The following PRUNE2 variants were observed in gnomAD, a reference collection of about 807,000 sequenced individuals.
PRUNE2 encodes protein prune homolog 2.
Under a neutral mutation model 252.0 loss-of-function variants are expected in PRUNE2, and 164 were observed. That is an observed-to-expected ratio of 0.65 (90% CI 0.57 to 0.74). The LOEUF is 0.74. PRUNE2 is among the 30% of genes least tolerant of loss of function. The pLI, the probability that PRUNE2 is intolerant of heterozygous loss-of-function variation, is 0.00. For synonymous variants in PRUNE2, 1,292 were observed against 1,350.2 expected (o/e 0.96, Z 0.94); for missense variants, 3,495 against 3,711.0 (o/e 0.94, Z 1.51).
chr9:76,736,699 A>C (rs1203742579), intron 6 of PRUNE2: 3 of 152,214 alleles, frequency 2.0e-5, no homozygotes, highest in Admixed American at 2.0e-4. Flanking sequence ...TCACCTCCCA[A>C]AGGCTCCACT....
intron 10 of PRUNE2, among the ~76,000 whole-genome samples, chr9:76,654,378 T>C (rs1474538093): frequency 6.6e-6 from 1 of 152,216 alleles, no homozygotes; most frequent in Non-Finnish European, 1.5e-5. Context: ...AACTCTGTTC[T>C]AGGTAATGGT....
At chr9:76,829,585 T>G (rs2058551008) in intron 4 of PRUNE2, among the ~76,000 whole-genome samples, 2 of 152,054 alleles carry the variant, frequency 1.3e-5, no homozygotes, top group African/African-American at 4.8e-5. Context: ...ATTGACAGAG[T>G]TGAGTAGTTT....
Position 76,614,257 on chromosome 9 carries a change from C to T in PRUNE2, c.*313G>A, listed in dbSNP as rs1482631883. On this transcript the variant is annotated 3_prime_UTR_variant, in exon 19 of 19. Transcript: ENST00000376718. ...TTAACAGTGGATTAAAGGTATCTTA[C>T]TGGTAAACACCAGTCTAAGGGACAA... 2.7e-6 allele frequency: 1 copy of T among 376,360 alleles called. No homozygotes were observed. Among genetic ancestry groups the T allele is most frequent in the Non-Finnish European group, 4.8e-6 (1 of 210,248 alleles). The allele number at this position is 376,360 out of a possible 1,614,324, so 23.3% of individuals were successfully genotyped here. A position where few individuals can be genotyped will look rare whatever the true frequency, so the allele number is the denominator to read the frequency against.
intron 5 of PRUNE2, 46 bp from the exon 6 acceptor site, chr9:76,823,772 T>G (rs776144531): frequency 1.7e-6 from 2 of 1,176,706 alleles, no homozygotes; most frequent in South Asian, 2.6e-5. Flanking sequence ...CTTGAGGGAT[T>G]TTTTTTTTGT....
Position 76,655,500 on chromosome 9 carries a change from A to C in PRUNE2, c.8279T>G (p.Leu2760Arg). Reference sequence around the variant, plus strand: ...GTCCATTCCTACATCCTCTGACAGTAGTCTGCAAAAAAAGCAAAGCAAAGC... The same window carrying C: ...GTCCATTCCTACATCCTCTGACAGTCGTCTGCAAAAAAAGCAAAGCAAAGC... The part of the protein sequence containing the change: ...LGTRISRPNG[L>R]LSEDVGMDIP... Residue 2760 changes from leucine (L) to arginine (R), a missense_variant and splice_region_variant, in exon 10 of 19, where the codon CTA (leucine) becomes CGA (arginine). Leu to Arg is a moderately radical substitution (Grantham distance 102, BLOSUM62 -2). Coordinates refer to ENST00000376718, the MANE Select transcript of PRUNE2 (RefSeq NM_015225.3). 4 of 1,611,976 alleles carry C rather than the reference A, an allele frequency of 2.5e-6. No individual in the cohort carries two copies. Among genetic ancestry groups the C allele is most frequent in the Non-Finnish European group, 3.4e-6 (4 of 1,178,892 alleles).
At position 76,709,400 on chromosome 9, in the gene PRUNE2, C is replaced by T. The variant is rs117145067; in HGVS notation, c.2874G>A (p.Ser958=). Residue 958 remains serine, a synonymous_variant, in exon 8 of 19, where the codon TCG becomes TCA. Transcript: ENST00000376718. ...DYSASNLGED[S]VPSPLDTNYS... ...AATTGGTATCTAAGGGGGAAGGCAC[C>T]GAATCTTCTCCTAGGTTGGATGCAC... 9.3e-6 allele frequency: 15 copies of T among 1,613,968 alleles called. No individual in the cohort carries two copies. In the East Asian group the frequency reaches 2.7e-4, roughly 29 times the overall value.
chr9:76,628,205 A>C (rs1409890320), intron 16 of PRUNE2, among the ~76,000 whole-genome samples: 1 of 151,900 alleles, frequency 6.6e-6, no homozygotes, highest in African/African-American at 2.4e-5. Flanking sequence ...TACCAGATAC[A>C]ACTGTTCATT....
chr9:76,788,402 C>T (rs2055227716), intron 6 of PRUNE2: 1 of 761,060 alleles, frequency 1.3e-6, no homozygotes, highest in Non-Finnish European at 2.5e-6. Context: ...CACTACTTTC[C>T]TCTTTGTAAA....
At chr9:76,718,194 G>A (rs112279488) in intron 6 of PRUNE2, among the ~76,000 whole-genome samples, 51 of 152,258 alleles carry the variant, frequency 3.3e-4, no homozygotes, top group African/African-American at 1.2e-3. Flanking sequence ...CCTATTTTAC[G>A]TTTTTCATTG....
intron 6 of PRUNE2, among the ~76,000 whole-genome samples, chr9:76,729,757 T>G (rs2048406117): frequency 6.6e-6 from 1 of 152,078 alleles, no homozygotes; most frequent in Non-Finnish European, 1.5e-5. Flanking sequence ...TTTTAAAGTA[T>G]TTTTTTCTTT....
chr9:76,808,695 G>A lies in PRUNE2; in HGVS notation c.756+14937C>T, dbSNP rs117299725. The A allele has an allele frequency of 3.4e-3, 524 of 152,376 alleles. 17 individuals carry two copies. The East Asian group carries it at 0.076, about 22-fold the overall frequency. The allele number at this position is 152,376 out of a possible 1,614,324, so 9.4% of individuals were successfully genotyped here. On this transcript the variant is annotated intron_variant, in intron 6 of 18. Coordinates refer to ENST00000376718, the MANE Select transcript of PRUNE2 (RefSeq NM_015225.3). The stretch of plus-strand genomic sequence containing the variant: ...ACTCCAGCTCTATCTCTGATGGACC[G>A]AGTAGGAAGAATCAGGCAAGTGCTT...
intron 11 of PRUNE2, among the ~76,000 whole-genome samples, chr9:76,649,362 C>CTATT (rs1382025387): frequency 2.1e-5 from 3 of 141,962 alleles, no homozygotes; most frequent in Non-Finnish European, 4.6e-5. Context: ...TTCCTATCAT[C>CTATT]TATTAAAACA....
chr9:76,681,361 G>A (rs1235794523), intron 9 of PRUNE2, among the ~76,000 whole-genome samples: 3 of 151,548 alleles, frequency 2.0e-5, no homozygotes, highest in Admixed American at 1.3e-4. Context: ...ATCTAGGCAC[G>A]GCAATGTGAA....
At chr9:76,863,389 C>T (rs548074104) in intron 1 of PRUNE2, 2 of 152,092 alleles carry the variant, frequency 1.3e-5, no homozygotes, top group Non-Finnish European at 2.9e-5. Context: ...TATATGGACA[C>T]AAAAACATTA....
intron 3 of PRUNE2, among the ~76,000 whole-genome samples, chr9:76,849,032 C>CT (rs2059813518): frequency 1.3e-5 from 2 of 152,174 alleles, no homozygotes; most frequent in Admixed American, 1.3e-4. Context: ...CCTCAGCCTC[C>CT]TGAGTAGCTG....
Position 76,707,417 on chromosome 9 carries a change from A to G in PRUNE2, c.4857T>C (p.Pro1619=). 1 of 1,613,964 alleles carries G rather than the reference A, an allele frequency of 6.2e-7. No individual in the cohort carries two copies. The change falls in exon 8 of 19, where the codon CCT becomes CCC. Residue 1619 remains proline, a synonymous_variant. Transcript: ENST00000376718. The stretch of plus-strand genomic sequence containing the variant: ...AGTCATTCCAGATCTCTAAAAATGT[A>G]GGAGTTTTGCGATCAAAGCTCTTTT... The part of the protein sequence containing the change: ...EFEKSFDRKT[P]TFLEIWNDSV...
At chr9:76,852,450 A>T (rs776542376) in intron 2 of PRUNE2, among the ~76,000 whole-genome samples, 27 of 152,238 alleles carry the variant, frequency 1.8e-4, no homozygotes, top group Non-Finnish European at 3.5e-4. Context: ...CTACCACGTA[A>T]CTTTGAGAAA....
Position 76,756,485 on chromosome 9 carries a change from A to T in PRUNE2, c.757-42764T>A, listed in dbSNP as rs151225929. On this transcript the variant is annotated intron_variant, in intron 6 of 18. Coordinates refer to ENST00000376718, the MANE Select transcript of PRUNE2 (RefSeq NM_015225.3). ...TTTCCAGAGTTGCATGGCTGTCGCA[A>T]CTAGGAACCAGGCGCTGGCTTTCCA... 5.5e-3 allele frequency among the ~76,000 whole-genome samples: 835 copies of T among 152,356 alleles called. 10 individuals carry two copies. The highest frequency in any genetic ancestry group is 0.019 in the African/African-American group (810 of 41,580).
At chr9:76,765,889 T>C (rs945417288) in intron 6 of PRUNE2, among the ~76,000 whole-genome samples, 1 of 152,092 alleles carries the variant, frequency 6.6e-6, no homozygotes, top group Non-Finnish European at 1.5e-5. Context: ...CCTTTAGAAA[T>C]ATCTCGTTAG....
Sources: gnomAD v4.1 joint callset for allele counts (sites outside exome capture counted in the v4.1 genomes callset) on GRCh38, gnomAD v4.1.1 for gene constraint, MANE v1.5 for transcripts, NCBI Gene and HGNC (gene_info 2026-07-23, HGNC 2026-07-21) for gene names.